DGKB: variants seen among roughly 807,000 people sequenced by gnomAD.
DGKB encodes diacylglycerol kinase beta.
DGKB carries 67 observed loss-of-function variants against 114.3 expected under a neutral mutation model. The ratio of observed to expected loss-of-function variants is 0.59; its 90% CI spans 0.48 to 0.72. DGKB has a LOEUF of 0.72. Ranked by LOEUF, DGKB falls within the 30% of genes least tolerant of loss-of-function variation. The pLI, the probability that DGKB is intolerant of heterozygous loss-of-function variation, is 0.00. For missense variants in DGKB, 907 were observed against 975.2 expected, an observed-to-expected ratio of 0.93 and a Z score of 0.93; for synonymous variants, 398 against 323.1, an observed-to-expected ratio of 1.23 and a Z score of -2.49.
chr7:14,165,120 T>C (rs1220874049), intron 25 of DGKB, among the ~76,000 whole-genome samples: 2 of 152,102 alleles, frequency 1.3e-5, no homozygotes, highest in Non-Finnish European at 2.9e-5. Flanking sequence ...CTTACAGATA[T>C]CCCAGAAAAC....
At position 14,804,070 on chromosome 7, in the gene DGKB, G is replaced by GT. The variant is rs1554282562; in HGVS notation, c.70+37123_70+37124insA. ...TTCTTCACATTGACTTCACTTTTTGGGTGTGTGTGTGTGTGTGTGTGTGTG... is the reference window on the plus strand; with the variant it reads ...TTCTTCACATTGACTTCACTTTTTGGTGTGTGTGTGTGTGTGTGTGTGTGTG... On this transcript the variant is annotated intron_variant, in intron 2 of 25. Transcript: ENST00000402815. 2.0e-4 allele frequency among the ~76,000 whole-genome samples: 29 copies of GT among 146,610 alleles called. 3 individuals carry two copies. Among genetic ancestry groups the GT allele is most frequent in the Admixed American group, 1.4e-3 (21 of 14,666 alleles).
intron 7 of DGKB, among the ~76,000 whole-genome samples, chr7:14,700,864 C>G (rs1825048620): frequency 6.6e-6 from 1 of 152,002 alleles, no homozygotes; most frequent in Non-Finnish European, 1.5e-5. Context: ...CCAAATGACA[C>G]TTATTCTATT....
At chr7:14,399,520 T>C (rs1430222102) in intron 21 of DGKB, among the ~76,000 whole-genome samples, 2 of 151,788 alleles carry the variant, frequency 1.3e-5, no homozygotes, top group African/African-American at 2.4e-5. Context: ...GTACCTATAA[T>C]ACAAATAACC....
chr7:14,724,832 A>G (rs573064329), intron 5 of DGKB, among the ~76,000 whole-genome samples: 45 of 152,312 alleles, frequency 3.0e-4, no homozygotes, highest in Admixed American at 5.2e-4. Flanking sequence ...ACTCTTTTTA[A>G]AAGCAGTAAA....
Position 14,574,357 on chromosome 7 carries a change from T to C in DGKB, c.1625A>G (p.Asn542Ser), listed in dbSNP as rs776258646. 7.4e-6 allele frequency: 12 copies of C among 1,611,604 alleles called. No individual in the cohort carries two copies. Among genetic ancestry groups the C allele is most frequent in the Non-Finnish European group, 1.0e-5 (12 of 1,179,192 alleles). Residue 542 changes from asparagine to serine, a missense_variant, in exon 20 of 26, where the codon AAT becomes AGT. Physicochemically the swap from Asn to Ser is conservative, Grantham distance 46 (BLOSUM62 1). Transcript: ENST00000402815. ...AATGTCTTTTAGAATTTTCATCAGA[T>C]TCTCACCTTCGTAACCTAGTGGGAA... ...LRWGGGYEGE[N>S]LMKILKDIEN...
intron 21 of DGKB, among the ~76,000 whole-genome samples, chr7:14,415,724 T>C (rs1250505248): frequency 1.3e-5 from 2 of 152,204 alleles, no homozygotes; most frequent in African/African-American, 4.8e-5. Context: ...GGTGCTGCAA[T>C]AAACCTACAT....
intron 20 of DGKB, among the ~76,000 whole-genome samples, chr7:14,530,492 C>A (rs181955306): frequency 1.3e-5 from 2 of 151,518 alleles, no homozygotes; most frequent in East Asian, 1.9e-4. Flanking sequence ...ACTTATATAA[C>A]CTTCAATTTA....
chr7:14,358,614 T>A lies in DGKB; in HGVS notation c.1836-13223A>T, dbSNP rs562141764. ...AAGCAACTTCAGCAAAGTCTCATGA[T>A]ACAAAATCAATGCACAAAAATCACA... is the stretch of plus-strand genomic sequence containing the variant. On this transcript the variant is annotated intron_variant, in intron 21 of 25. Transcript: ENST00000402815. 2.6e-5 allele frequency among the ~76,000 whole-genome samples: 4 copies of A among 152,206 alleles called. No individual in the cohort carries two copies. In the East Asian group the frequency reaches 5.8e-4, roughly 22 times the overall value.
intron 2 of DGKB, among the ~76,000 whole-genome samples, chr7:14,811,419 A>G (rs7458312): frequency 0.41 from 62,310 of 151,980 alleles, 14,538 homozygotes; most frequent in African/African-American, 0.64. Flanking sequence ...TCAGTTTTAA[A>G]TTATTTACTC....
intron 2 of DGKB, 80 bp from the exon 3 acceptor site, chr7:14,757,811 T>G: frequency 1.5e-6 from 1 of 677,644 alleles, no homozygotes; most frequent in South Asian, 1.9e-5. Context: ...CAGAGACCAC[T>G]TAAAATGTAA....
At chr7:14,241,879 CAATT>C (rs1002202524) in intron 23 of DGKB, among the ~76,000 whole-genome samples, 97 of 151,362 alleles carry the variant, frequency 6.4e-4, no homozygotes, top group Admixed American at 2.7e-3. Flanking sequence ...GAAGCAGAGA[CAATT>C]AATTGGGATA....
chr7:14,172,959 G>T (rs1781228366), intron 25 of DGKB, among the ~76,000 whole-genome samples: 2 of 152,096 alleles, frequency 1.3e-5, no homozygotes, highest in Admixed American at 1.3e-4. Context: ...GAAGAAGAAA[G>T]AATAAAATAG....
intron 23 of DGKB, among the ~76,000 whole-genome samples, chr7:14,304,046 A>AACACACACACACACACACAC (rs773102280): frequency 8.9e-6 from 1 of 112,674 alleles, no homozygotes. Context: ...GTTCTTATAG[A>AACACACACACACACACACAC]ACACACACAC....
intron 23 of DGKB, among the ~76,000 whole-genome samples, chr7:14,334,378 G>GTGTGTA (rs1416627402): frequency 8.6e-5 from 7 of 81,772 alleles, no homozygotes; most frequent in African/African-American, 2.4e-4. Flanking sequence ...GTGTGTGTGT[G>GTGTGTA]TGTGTGTGTG....
intron 16 of DGKB, among the ~76,000 whole-genome samples, chr7:14,608,902 G>T (rs1243012205): frequency 2.0e-5 from 3 of 151,972 alleles, no homozygotes; most frequent in Non-Finnish European, 4.4e-5. Flanking sequence ...ACAAAGCACT[G>T]CTGAAAGAAA....
chr7:14,832,254 G>T (rs1212285845), intron 2 of DGKB, among the ~76,000 whole-genome samples: 1 of 151,974 alleles, frequency 6.6e-6, no homozygotes, highest in Non-Finnish European at 1.5e-5. Flanking sequence ...CAAGCAAACT[G>T]AATAAAACCA....
intron 1 of DGKB, among the ~76,000 whole-genome samples, chr7:14,971,449 G>A (rs531119366): frequency 6.6e-6 from 1 of 152,194 alleles, no homozygotes; most frequent in African/African-American, 2.4e-5. Flanking sequence ...CAAGATAGCT[G>A]TCTGTGTGAA....
chr7:14,360,325 C>A (rs1462171821), intron 21 of DGKB, among the ~76,000 whole-genome samples: 1 of 151,428 alleles, frequency 6.6e-6, no homozygotes, highest in Non-Finnish European at 1.5e-5. Flanking sequence ...GGGTTGGGGG[C>A]TGGGGGAGAG....
rs1034152706 is a variant in DGKB, at chr7:14,654,886, T to A, written c.1134+18043A>T. Among the ~76,000 whole-genome samples, 5 of 151,754 alleles carry A rather than the reference T, an allele frequency of 3.3e-5. No homozygotes were observed. In the East Asian group the frequency reaches 9.7e-4, roughly 29 times the overall value. ...CAGAACCAAAAATTGACACAAAATA[T>A]ATTAACAACTTAAATGTAAGACCCA... On this transcript the variant is annotated intron_variant, in intron 13 of 25. Coordinates refer to ENST00000402815, the MANE Select transcript of DGKB (RefSeq NM_001350709.2).
Sources: allele counts gnomAD v4.1 joint callset (sites outside exome capture counted in the v4.1 genomes callset), GRCh38; gene constraint gnomAD v4.1.1; transcripts MANE v1.5; gene names NCBI Gene and HGNC (gene_info 2026-07-23, HGNC 2026-07-21).